DCDC1: variants seen among roughly 807,000 people sequenced by gnomAD.
The protein encoded by DCDC1 is doublecortin domain-containing protein 1.
In DCDC1, 200 loss-of-function variants were observed where a neutral mutation model predicts 178.3. The observed-to-expected ratio is 1.12, with a 90% CI of 1.00 to 1.26. DCDC1 has a LOEUF of 1.26. Ranked by LOEUF, DCDC1 falls within the 50% of genes most tolerant of loss-of-function variation. The pLI is 0.00. For missense variants in DCDC1, 1,983 were observed against 1,749.2 expected, an observed-to-expected ratio of 1.13 and a Z score of -2.38; for synonymous variants, 690 against 604.8, an observed-to-expected ratio of 1.14 and a Z score of -2.07.
intron 20 of DCDC1, among the ~76,000 whole-genome samples, chr11:31,047,959 T>C (rs1394325573): frequency 6.6e-6 from 1 of 152,198 alleles, no homozygotes; most frequent in Non-Finnish European, 1.5e-5. Flanking sequence ...CAATAGCACA[T>C]TATTATTGTC....
At chr11:31,249,660 A>T (rs900264268) in intron 8 of DCDC1, among the ~76,000 whole-genome samples, 5 of 152,104 alleles carry the variant, frequency 3.3e-5, no homozygotes, top group Non-Finnish European at 7.4e-5. Context: ...TGTGTATACC[A>T]AGTCTTGCCC....
At chr11:30,943,595 G>A (rs763697403) in intron 21 of DCDC1, 3 of 440,058 alleles carry the variant, frequency 6.8e-6, no homozygotes, top group East Asian at 1.4e-4. Context: ...TAAGTGTTTA[G>A]AAGCACAATT....
chr11:31,045,404 T>C (rs1954775995), intron 20 of DCDC1, among the ~76,000 whole-genome samples: 1 of 151,830 alleles, frequency 6.6e-6, no homozygotes, highest in Non-Finnish European at 1.5e-5. Flanking sequence ...CCTTTTTTTT[T>C]TTTAACTCGC....
At chr11:31,297,017 C>T (rs1295802385) in intron 6 of DCDC1, among the ~76,000 whole-genome samples, 1 of 152,210 alleles carries the variant, frequency 6.6e-6, no homozygotes, top group Non-Finnish European at 1.5e-5. Context: ...AGTGATTCTT[C>T]TGTACATCAC....
At chr11:31,145,225 A>G (rs1258485676) in intron 9 of DCDC1, among the ~76,000 whole-genome samples, 1 of 152,180 alleles carries the variant, frequency 6.6e-6, no homozygotes, top group African/African-American at 2.4e-5. Flanking sequence ...ATCTGTATGC[A>G]TATGGTGAGA....
At chr11:31,263,769 G>A (rs1308862639) in intron 8 of DCDC1, among the ~76,000 whole-genome samples, 1 of 152,154 alleles carries the variant, frequency 6.6e-6, no homozygotes, top group Non-Finnish European at 1.5e-5. Flanking sequence ...AGTATCTGCT[G>A]TAGCAACATC....
At chr11:31,162,777 C>G (rs1057167622) in intron 9 of DCDC1, among the ~76,000 whole-genome samples, 3 of 152,252 alleles carry the variant, frequency 2.0e-5, no homozygotes, top group Admixed American at 2.0e-4. Flanking sequence ...TACAAAACAA[C>G]TGCTGCATAT....
At chr11:30,913,048 A>C (rs1011619455) in intron 27 of DCDC1, among the ~76,000 whole-genome samples, 1 of 152,214 alleles carries the variant, frequency 6.6e-6, no homozygotes, top group African/African-American at 2.4e-5. Flanking sequence ...CCTCAGAATT[A>C]CTGTCGCTGT....
intron 9 of DCDC1, among the ~76,000 whole-genome samples, chr11:31,218,070 C>G (rs1425528015): frequency 1.3e-5 from 2 of 151,272 alleles, no homozygotes; most frequent in African/African-American, 2.4e-5. Flanking sequence ...ACCTTTTTTC[C>G]TAAATTTTTA....
intron 10 of DCDC1, among the ~76,000 whole-genome samples, chr11:31,128,098 AAATTC>A (rs1381893616): frequency 6.6e-6 from 1 of 152,006 alleles, no homozygotes; most frequent in Non-Finnish European, 1.5e-5. Context: ...TATATATATT[AAATTC>A]ATTATCATTT....
intron 21 of DCDC1, among the ~76,000 whole-genome samples, chr11:30,935,129 T>C (rs1033756366): frequency 6.6e-6 from 1 of 152,222 alleles, no homozygotes; most frequent in Admixed American, 6.5e-5. Flanking sequence ...TTCTAAATTC[T>C]GGCAGTTATT....
rs372984462 is a variant in DCDC1, at chr11:31,306,271, T to C, written c.552A>G (p.Arg184=). The change falls in exon 5 of 39, where the codon AGA becomes AGG. Residue 184 remains arginine, a synonymous_variant. Coordinates refer to ENST00000684477, the MANE Select transcript of DCDC1 (RefSeq NM_001387274.1). The stretch of plus-strand genomic sequence containing the variant: ...GTACAGTAACTCTGGCAAAGACTGT[T>C]CTAGATCCATTTTTGTAAGCTGTTA... The part of the protein sequence containing the change: ...IKVTAYKNGS[R]TVFARVTVPT... The C allele has an allele frequency of 1.0e-4, 166 of 1,608,760 alleles. 1 individual carries two copies. Among genetic ancestry groups the C allele is most frequent in the Middle Eastern group, 5.0e-4 (3 of 6,042 alleles).
chr11:30,967,772 T>C (rs1291982742), intron 20 of DCDC1, among the ~76,000 whole-genome samples: 2 of 152,130 alleles, frequency 1.3e-5, no homozygotes, highest in African/African-American at 4.8e-5. Flanking sequence ...AGTCTATAGA[T>C]AGTCTATTAT....
chr11:30,955,649 T>C (rs1356379078), intron 20 of DCDC1, among the ~76,000 whole-genome samples: 1 of 152,160 alleles, frequency 6.6e-6, no homozygotes, highest in Non-Finnish European at 1.5e-5. Flanking sequence ...AGTATCCGTA[T>C]TCCAATAATT....
At chr11:31,345,273 C>T (rs988831245) in intron 1 of DCDC1, among the ~76,000 whole-genome samples, 12 of 152,064 alleles carry the variant, frequency 7.9e-5, no homozygotes, top group South Asian at 2.1e-4. Context: ...ATGGAATAAA[C>T]GTAAGTTTAA....
At chr11:31,358,504 T>C (rs1168379466) in intron 1 of DCDC1, among the ~76,000 whole-genome samples, 3 of 151,264 alleles carry the variant, frequency 2.0e-5, no homozygotes, top group Non-Finnish European at 3.0e-5. Context: ...AACCTAGGCA[T>C]TACCATTCAG....
intron 21 of DCDC1, among the ~76,000 whole-genome samples, chr11:30,941,262 C>A (rs1050700402): frequency 6.6e-6 from 1 of 152,132 alleles, no homozygotes; most frequent in Admixed American, 6.6e-5. Flanking sequence ...TCATAATGAT[C>A]CTATTTATCC....
chr11:31,251,718 A>C (rs561063855), intron 8 of DCDC1, among the ~76,000 whole-genome samples: 1 of 152,298 alleles, frequency 6.6e-6, no homozygotes. Flanking sequence ...AATAGGAGCA[A>C]GAGAGAGTCA....
At position 30,920,828 on chromosome 11, in the gene DCDC1, T is replaced by C. The variant is rs1435338605; in HGVS notation, c.3241A>G (p.Lys1081Glu). Residue 1081 changes from lysine to glutamate, a missense_variant, in exon 25 of 39, where the codon AAG becomes GAG. Transcript: ENST00000684477. Reference protein sequence around the residue: ...EEKQVTEPEEKQMQEDPLTTE... With the variant: ...EEKQVTEPEEEQMQEDPLTTE... ...GTTAGAGGATCTTCTTGCATTTGCT[T>C]TTCTTCCGGTTCTGTAACTTGCTTC... 7 of 1,613,608 alleles carry C rather than the reference T, an allele frequency of 4.3e-6. No individual in the cohort carries two copies. Among genetic ancestry groups the C allele is most frequent in the Non-Finnish European group, 5.1e-6 (6 of 1,179,790 alleles).
Sources: allele counts gnomAD v4.1 joint callset (sites outside exome capture counted in the v4.1 genomes callset), GRCh38; gene constraint gnomAD v4.1.1; transcripts MANE v1.5; gene names NCBI Gene and HGNC (gene_info 2026-07-23, HGNC 2026-07-21).